The following MBD5 variants were observed in gnomAD, a reference collection of about 807,000 sequenced individuals.
The protein encoded by MBD5 is methyl-CpG-binding domain protein 5.
Under a neutral mutation model 117.3 loss-of-function variants are expected in MBD5, and 13 were observed. The observed-to-expected ratio is 0.11, with a 90% confidence interval of 0.07 to 0.18. The LOEUF is 0.18. Among genes scored for constraint, MBD5 ranks in the 10% least tolerant of loss-of-function variants. MBD5 has a pLI of 1.00. For synonymous variants in MBD5, 727 were observed against 766.4 expected, an observed-to-expected ratio of 0.95 and a Z score of 0.85; for missense variants, 1,879 against 2,093.8, an observed-to-expected ratio of 0.90 and a Z score of 2.00.
At chr2:148,490,758 A>G (rs903134762) in intron 11 of MBD5, 164 bp downstream of exon 11, 18 of 813,334 alleles carry the variant, frequency 2.2e-5, no homozygotes, top group Middle Eastern at 3.6e-4. Flanking sequence ...GGGGATGGTT[A>G]TAGTCAACAA....
chr2:148,359,008 TC>T (rs538888474), intron 4 of MBD5, among the ~76,000 whole-genome samples: 6 of 151,374 alleles, frequency 4.0e-5, no homozygotes, highest in Non-Finnish European at 8.8e-5. Flanking sequence ...AAGCCTGTAA[TC>T]CCAGCACTTT....
At chr2:148,172,863 A>C (rs1698294147) in intron 1 of MBD5, among the ~76,000 whole-genome samples, 1 of 152,024 alleles carries the variant, frequency 6.6e-6, no homozygotes, top group Non-Finnish European at 1.5e-5. Flanking sequence ...TCAGCTCTTA[A>C]TTACCAGCCT....
At chr2:148,431,883 T>G (rs1186869503) in intron 4 of MBD5, among the ~76,000 whole-genome samples, 1 of 152,132 alleles carries the variant, frequency 6.6e-6, no homozygotes. Context: ...GATTTATATT[T>G]CTTTGGTTGT....
chr2:148,330,091 A>ACACACACACACACACACACACACACT (rs1702601433), intron 3 of MBD5, among the ~76,000 whole-genome samples: 1 of 98,728 alleles, frequency 1.0e-5, no homozygotes, highest in Non-Finnish European at 1.9e-5. Context: ...CCTGCCATAC[A>ACACACACACACACACACACACACACT]CACACACACA....
intron 7 of MBD5, among the ~76,000 whole-genome samples, chr2:148,467,029 G>T (rs1170512340): frequency 6.6e-6 from 1 of 152,148 alleles, no homozygotes; most frequent in African/African-American, 2.4e-5. Context: ...ACTTGCTAAT[G>T]TAAGTCTCAA....
chr2:148,516,900 A>G lies in MBD5; in HGVS notation c.*3959A>G, dbSNP rs1559111945. On this transcript the variant is annotated 3_prime_UTR_variant, in exon 14 of 14. Coordinates refer to ENST00000642680, the MANE Select transcript of MBD5 (RefSeq NM_001378120.1). ...GGAAAATTTGATGCCAGATGGCTTC[A>G]TAATATACAAATGTGTTTTGTAACA... The G allele has an allele frequency of 6.6e-6, 1 of 152,250 alleles. No individual in the cohort carries two copies. Among genetic ancestry groups the G allele is most frequent in the Admixed American group, 6.5e-5 (1 of 15,292 alleles). The allele number at this position is 152,250 out of a possible 1,614,324, so 9.4% of individuals were successfully genotyped here.
chr2:148,146,922 G>T lies in MBD5; in HGVS notation c.-924-31778G>T, dbSNP rs547701764. The stretch of plus-strand genomic sequence containing the variant: ...AGTCAGACATTCTAGTAAATATTTT[G>T]TTTCTGTTATTACCTTTTTCAACTC... On this transcript the variant is annotated intron_variant, in intron 1 of 13. Coordinates refer to ENST00000642680, the MANE Select transcript of MBD5 (RefSeq NM_001378120.1). Among the ~76,000 whole-genome samples the T allele has an allele frequency of 1.2e-4, 18 of 152,084 alleles. No individual in the cohort carries two copies. The East Asian group carries it at 3.5e-3, about 29-fold the overall frequency.
chr2:148,291,564 G>T (rs1701501469), intron 3 of MBD5, among the ~76,000 whole-genome samples: 2 of 152,002 alleles, frequency 1.3e-5, no homozygotes, highest in South Asian at 4.1e-4. Flanking sequence ...GAAAATGATT[G>T]ATTTTTGTAT....
chr2:148,082,665 C>A (rs887916760), intron 1 of MBD5, among the ~76,000 whole-genome samples: 1 of 152,206 alleles, frequency 6.6e-6, no homozygotes, highest in African/African-American at 2.4e-5. Flanking sequence ...AGGAATAAAA[C>A]AGTAGGCTCA....
Position 148,297,477 on chromosome 2 carries a change from A to T in MBD5, c.-679-44737A>T, listed in dbSNP as rs1040409552. 1.7e-4 allele frequency among the ~76,000 whole-genome samples: 26 copies of T among 152,058 alleles called. 2 individuals are homozygous for T. The highest frequency in any genetic ancestry group is 1.6e-3 in the Admixed American group (24 of 15,280). ...TTGATCTGTTATGCTGTTTGCTTCT[A>T]TTGGTATCATACCTACCTGTTAAGC... On this transcript the variant is annotated intron_variant, in intron 3 of 13. Transcript: ENST00000642680.
intron 3 of MBD5, among the ~76,000 whole-genome samples, chr2:148,313,666 C>T (rs1348857090): frequency 6.6e-6 from 1 of 152,180 alleles, no homozygotes; most frequent in Non-Finnish European, 1.5e-5. Flanking sequence ...GTCTCATTGG[C>T]ATTCCAGGCA....
chr2:148,485,636 T>G (rs1229130779), intron 9 of MBD5, 106 bp from the exon 10 acceptor site: 3 of 836,796 alleles, frequency 3.6e-6, no homozygotes, highest in Non-Finnish European at 6.0e-6. Context: ...ATTACCCAAG[T>G]AAGCATAGCA....
At chr2:148,078,075 G>A (rs1004878246) in intron 1 of MBD5, among the ~76,000 whole-genome samples, 5 of 152,076 alleles carry the variant, frequency 3.3e-5, no homozygotes, top group African/African-American at 9.7e-5. Context: ...TTCCTATGCC[G>A]TTGAGTTGCT....
At chr2:148,035,805 G>A (rs1450516174) in intron 1 of MBD5, among the ~76,000 whole-genome samples, 1 of 152,082 alleles carries the variant, frequency 6.6e-6, no homozygotes, top group East Asian at 1.9e-4. Flanking sequence ...AGTAAAATGG[G>A]CCTAGTCAGT....
At chr2:148,466,794 T>G (rs1707275963) in intron 7 of MBD5, among the ~76,000 whole-genome samples, 1 of 152,120 alleles carries the variant, frequency 6.6e-6, no homozygotes, top group African/African-American at 2.4e-5. Flanking sequence ...AATCAGAAAT[T>G]CCACATTTTC....
intron 2 of MBD5, among the ~76,000 whole-genome samples, chr2:148,229,652 G>A (rs1264705507): frequency 6.6e-6 from 1 of 152,144 alleles, no homozygotes; most frequent in African/African-American, 2.4e-5. Context: ...AGGCTTTCCA[G>A]ATATTCAAAA....
chr2:148,158,630 A>G (rs1375424326), intron 1 of MBD5, among the ~76,000 whole-genome samples: 1 of 152,258 alleles, frequency 6.6e-6, no homozygotes. Flanking sequence ...AGCTTAGAGC[A>G]TCAAAGATAT....
chr2:148,028,133 C>G (rs975877312), intron 1 of MBD5: 1 of 151,906 alleles, frequency 6.6e-6, no homozygotes, highest in African/African-American at 2.4e-5. Context: ...TGATTTGTAT[C>G]CTTATTTCAG....
intron 1 of MBD5, among the ~76,000 whole-genome samples, chr2:148,129,740 A>G (rs1010317065): frequency 6.6e-6 from 1 of 152,218 alleles, no homozygotes; most frequent in Non-Finnish European, 1.5e-5. Context: ...GTGGCTTTAT[A>G]GTATATTAAT....
Sources: allele counts gnomAD v4.1 joint callset (sites outside exome capture counted in the v4.1 genomes callset), GRCh38; gene constraint gnomAD v4.1.1; transcripts MANE v1.5; gene names NCBI Gene and HGNC (gene_info 2026-07-23, HGNC 2026-07-21).